Variants in PHF7 observed in about 807,000 individuals in gnomAD.
The protein encoded by PHF7 is E3 ubiquitin-protein ligase PHF7.
A neutral mutation model predicts 47.5 loss-of-function variants in PHF7; 24 were observed. That is an observed-to-expected ratio of 0.51 (90% CI 0.37 to 0.71). The LOEUF is 0.71. PHF7 is among the 30% of genes least tolerant of loss of function. PHF7 has a pLI of 0.00. For synonymous variants in PHF7, 156 were observed against 153.8 expected (o/e 1.01, Z -0.11); for missense variants, 361 against 456.8 (o/e 0.79, Z 1.91).
rs1292716001 is a variant in PHF7 at position 52,423,351 on chromosome 3, G to A, written c.*34G>A. ...GAGTAGCTGCTGTCCCACACAATAG[G>A]GTATGAAGCTGCGCTCCTCCATCGG... On this transcript the variant is annotated 3_prime_UTR_variant, in exon 11 of 11. Coordinates refer to ENST00000327906, the MANE Select transcript of PHF7 (RefSeq NM_016483.7). 7.2e-7 allele frequency: 1 copy of A among 1,390,070 alleles called. No individual in the cohort carries two copies. The highest frequency in any genetic ancestry group is 2.3e-5 in the East Asian group (1 of 43,820). The allele number at this position is 1,390,070 out of a possible 1,614,324, so 86.1% of individuals were successfully genotyped here.
At position 52,420,370 on chromosome 3, in the gene PHF7, C is replaced by T; in HGVS notation, c.348C>T (p.Leu116=). 6.2e-7 allele frequency: 1 copy of T among 1,613,926 alleles called. No homozygotes were observed. The highest frequency in any genetic ancestry group is 8.5e-7 in the Non-Finnish European group (1 of 1,179,772). The change falls in exon 6 of 11, where the codon CTC becomes CTT. Residue 116 remains leucine (L), a synonymous_variant. Coordinates refer to ENST00000327906, the MANE Select transcript of PHF7 (RefSeq NM_016483.7). ...AAINCQKDQC[L]RNFHLPCGQE... is the part of the protein sequence containing the mutation. ...TCAACTGCCAGAAGGATCAGTGCCT[C>T]AGAAACTTCCATCTGCCTTGTGGCC...
At chr3:52,412,641 T>C (rs909068345) in intron 1 of PHF7, among the ~76,000 whole-genome samples, 170 bp from the exon 2 acceptor site, 1 of 152,226 alleles carries the variant, frequency 6.6e-6, no homozygotes, top group African/African-American at 2.4e-5. Flanking sequence ...ATAATAATGG[T>C]ACCTACTGCA....
Position 52,420,330 on chromosome 3 carries a change from A to G in PHF7, c.308A>G (p.Lys103Arg). 2 of 1,614,036 alleles carry G rather than the reference A, an allele frequency of 1.2e-6. No homozygotes were observed. Among genetic ancestry groups the G allele is most frequent in the Non-Finnish European group, 1.7e-6 (2 of 1,179,904 alleles). ...ASRKICFVCK[K>R]KGAAINCQKD... ...TTGCAGATCTGCTTTGTGTGCAAGA[A>G]AAAGGGAGCTGCTATCAACTGCCAG... Residue 103 changes from lysine (K) to arginine (R), a missense_variant, in exon 6 of 11, where the codon AAA becomes AGA. Lys to Arg is a conservative substitution (Grantham distance 26). Transcript: ENST00000327906.
chr3:52,420,561 C>A, intron 6 of PHF7, 126 bp downstream of exon 6: 2 of 916,716 alleles, frequency 2.2e-6, no homozygotes, highest in Non-Finnish European at 1.7e-6. Context: ...TCCCTCCATT[C>A]AGTAATAAGA....
chr3:52,416,186 T>G (rs1705617870), intron 4 of PHF7, among the ~76,000 whole-genome samples: 1 of 151,454 alleles, frequency 6.6e-6, no homozygotes, highest in Non-Finnish European at 1.5e-5. Flanking sequence ...TTTGGTTTTT[T>G]GGTTTTTTTT....
Position 52,422,349 on chromosome 3 carries a change from G to T in PHF7, c.797+11G>T, listed in dbSNP as rs373150998. ...CTTTGAGGATGAAGGGTAGGGGAAG[G>T]CTTCTGGCTAGAAAGAGCTCTCATC... is the stretch of plus-strand genomic sequence containing the variant. On this transcript the variant is annotated intron_variant, in intron 9 of 10. Transcript: ENST00000327906. 2.9e-5 allele frequency: 44 copies of T among 1,535,220 alleles called. No homozygotes were observed. Among genetic ancestry groups the T allele is most frequent in the Non-Finnish European group, 4.0e-5 (44 of 1,107,906 alleles).
intron 3 of PHF7, 148 bp downstream of exon 3, chr3:52,414,196 G>T: frequency 1.6e-6 from 1 of 624,768 alleles, no homozygotes; most frequent in Non-Finnish European, 2.9e-6. Flanking sequence ...CTCAGGAACT[G>T]CCATTTTAAA....
intron 4 of PHF7, among the ~76,000 whole-genome samples, chr3:52,415,651 C>T (rs1283475393): frequency 6.6e-6 from 1 of 152,198 alleles, no homozygotes; most frequent in Non-Finnish European, 1.5e-5. Flanking sequence ...TCTTCTGTAT[C>T]TGGCTTTTTT....
At chr3:52,413,541 A>AT (rs1180652825) in intron 2 of PHF7, among the ~76,000 whole-genome samples, 2 of 152,352 alleles carry the variant, frequency 1.3e-5, no homozygotes, top group East Asian at 3.9e-4. Flanking sequence ...ACTTAAAAAA[A>AT]ATATGAAATA....
intron 4 of PHF7, among the ~76,000 whole-genome samples, chr3:52,416,601 G>T (rs1384311873): frequency 2.0e-5 from 3 of 151,552 alleles, no homozygotes. Context: ...TTGGGAGGCC[G>T]AGGCGAGCAG....
chr3:52,413,551 A>G (rs772513987), intron 2 of PHF7, among the ~76,000 whole-genome samples: 1 of 152,224 alleles, frequency 6.6e-6, no homozygotes, highest in Non-Finnish European at 1.5e-5. Context: ...AATATGAAAT[A>G]TGGCCAGGTG....
In PHF7 at chr3:52,422,245, C is replaced by T. The variant is rs748401777; in HGVS notation, c.704C>T (p.Pro235Leu). The T allele has an allele frequency of 6.2e-7, 1 of 1,613,560 alleles. No homozygotes were observed. Among genetic ancestry groups the T allele is most frequent in the Non-Finnish European group, 8.5e-7 (1 of 1,179,450 alleles). The change falls in exon 9 of 11, where the codon CCA becomes CTA. Residue 235 changes from proline to leucine, a missense_variant. Physicochemically the swap from Pro to Leu is moderately conservative, Grantham distance 98 (BLOSUM62 -3). Coordinates refer to ENST00000327906, the MANE Select transcript of PHF7 (RefSeq NM_016483.7). Reference sequence around the variant, plus strand: ...AGAGATGCTGCCTGGGAACTCGAGCCAGGGGCTTTCTCAGACTTATATCAG... The same window carrying T: ...AGAGATGCTGCCTGGGAACTCGAGCTAGGGGCTTTCTCAGACTTATATCAG... ...PDRDAAWELEPGAFSDLYQRY... is the reference protein window; with the variant it reads ...PDRDAAWELELGAFSDLYQRY...
rs1346277409 is a variant in PHF7, at chr3:52,423,252, A to C, written c.1081A>C (p.Arg361=). Residue 361 remains arginine, a synonymous_variant, in exon 11 of 11, where the codon AGG becomes CGG. Coordinates refer to ENST00000327906, the MANE Select transcript of PHF7 (RefSeq NM_016483.7). Reference sequence around the variant, plus strand: ...AGAAAAGCCAGAGTCCTCTCGTGGCAGGAGGAGCTACTCCTGGAGGTCCAA... The same window carrying C: ...AGAAAAGCCAGAGTCCTCTCGTGGCCGGAGGAGCTACTCCTGGAGGTCCAA... ...LLEKPESSRG[R]RSYSWRSKGV... The C allele has an allele frequency of 6.2e-6, 10 of 1,614,072 alleles. No homozygotes were observed. Among genetic ancestry groups the C allele is most frequent in the Non-Finnish European group, 8.5e-6 (10 of 1,180,012 alleles).
In PHF7 at chr3:52,420,334, G is replaced by GGGAGC; in HGVS notation, c.313_317dup (p.Ala107GlufsTer114). 1 of 1,613,986 alleles carries GGGAGC rather than the reference G, an allele frequency of 6.2e-7. No individual in the cohort carries two copies. Among genetic ancestry groups the GGGAGC allele is most frequent in the Non-Finnish European group, 8.5e-7 (1 of 1,179,850 alleles). On this transcript the variant is annotated frameshift_variant, in exon 6 of 11. Coordinates refer to ENST00000327906, the MANE Select transcript of PHF7 (RefSeq NM_016483.7). LOFTEE classifies it high-confidence loss of function. ...AGATCTGCTTTGTGTGCAAGAAAAA[G>GGGAGC]GGAGCTGCTATCAACTGCCAGAAGG... is the stretch of plus-strand genomic sequence containing the variant.
chr3:52,415,994 C>T (rs1245651053), intron 4 of PHF7, among the ~76,000 whole-genome samples: 1 of 152,216 alleles, frequency 6.6e-6, no homozygotes, highest in Non-Finnish European at 1.5e-5. Context: ...AGCTTACACT[C>T]CTACCAGCAA....
chr3:52,413,696 G>A (rs1256448132), intron 2 of PHF7, among the ~76,000 whole-genome samples: 3 of 152,162 alleles, frequency 2.0e-5, no homozygotes, highest in Admixed American at 6.5e-5. Flanking sequence ...TTAGCTGGGC[G>A]TGGTGACAGG....
intron 1 of PHF7, among the ~76,000 whole-genome samples, chr3:52,412,221 G>T (rs578062639): frequency 6.6e-6 from 1 of 151,590 alleles, no homozygotes; most frequent in South Asian, 2.1e-4. Context: ...AAAAGTGATA[G>T]AGCCTAGGGG....
rs1435143411 is a variant in PHF7 at position 52,423,162 on chromosome 3, A to G, written c.991A>G (p.Arg331Gly). Residue 331 changes from arginine (R) to glycine (G), a missense_variant, in exon 11 of 11, where the codon AGA becomes GGA. Coordinates refer to ENST00000327906, the MANE Select transcript of PHF7 (RefSeq NM_016483.7). Reference sequence around the variant, plus strand: ...CTTCCACCCTGAGGAACATTTCTGCAGAGACAACACCTTGGAAGAGAATCC... The same window carrying G: ...CTTCCACCCTGAGGAACATTTCTGCGGAGACAACACCTTGGAAGAGAATCC... ...STFHPEEHFCRDNTLEENPGL... is the reference protein window; with the variant it reads ...STFHPEEHFCGDNTLEENPGL... The G allele has an allele frequency of 3.7e-6, 6 of 1,614,112 alleles. No homozygotes were observed. The highest frequency in any genetic ancestry group is 5.1e-6 in the Non-Finnish European group (6 of 1,179,932).
intron 1 of PHF7, among the ~76,000 whole-genome samples, chr3:52,412,260 C>G (rs1705471885): frequency 6.6e-6 from 1 of 151,956 alleles, no homozygotes; most frequent in African/African-American, 2.4e-5. Flanking sequence ...TCTTGTCTCT[C>G]ACTAGAGGGA....
Sources: allele counts gnomAD v4.1 joint callset (sites outside exome capture counted in the v4.1 genomes callset), GRCh38; gene constraint gnomAD v4.1.1; transcripts MANE v1.5; gene names NCBI Gene and HGNC (gene_info 2026-07-23, HGNC 2026-07-21).